The following EBPL variants were observed in gnomAD, a reference collection of about 807,000 sequenced individuals.
The protein encoded by EBPL is EBP like.
Under a neutral mutation model 19.0 loss-of-function variants are expected in EBPL, and 20 were observed. The ratio of observed to expected loss-of-function variants is 1.05; its 90% CI spans 0.74 to 1.53. The LOEUF (loss-of-function observed/expected upper bound fraction) is 1.53, where lower values mean the gene tolerates loss of function less well. EBPL is among the 40% of genes most tolerant of loss of function. EBPL has a pLI of 0.00. For missense variants in EBPL, 219 were observed against 261.1 expected (o/e 0.84, Z 1.11); for synonymous variants, 107 against 117.0 (o/e 0.91, Z 0.55).
chr13:49,689,298 C>T (rs1189626077), intron 1 of EBPL, among the ~76,000 whole-genome samples: 2 of 152,112 alleles, frequency 1.3e-5, no homozygotes, highest in Admixed American at 1.3e-4. Context: ...TGAACACACG[C>T]ATATAGTTTA....
At chr13:49,684,131 G>A (rs1953972131) in intron 1 of EBPL, among the ~76,000 whole-genome samples, 1 of 152,166 alleles carries the variant, frequency 6.6e-6, no homozygotes, top group South Asian at 2.1e-4. Context: ...TCTTCAAAGG[G>A]ACATGAGAAA....
At chr13:49,680,767 T>G (rs149510158) in intron 1 of EBPL, among the ~76,000 whole-genome samples, 3,147 of 152,072 alleles carry the variant, frequency 0.021, 42 homozygotes, top group South Asian at 0.029. Flanking sequence ...GGTTGCAGTG[T>G]GCCAAGATTG....
rs1954002766 is a variant in EBPL at position 49,686,731 on chromosome 13, T to A, written c.171+4523A>T. 15 of 819,466 alleles carry A rather than the reference T, an allele frequency of 1.8e-5. No homozygotes were observed. The South Asian group carries it at 2.4e-4, about 13-fold the overall frequency. The allele number at this position is 819,466 out of a possible 1,614,324, so 50.8% of individuals were successfully genotyped here. ...CAACTCAGAAAAGAATTCCCAGCACTCTCTCTTCTGCCCTGACTCTGTCTC... is the reference window on the plus strand; with the variant it reads ...CAACTCAGAAAAGAATTCCCAGCACACTCTCTTCTGCCCTGACTCTGTCTC... On this transcript the variant is annotated intron_variant, in intron 1 of 3. Transcript: ENST00000242827.
chr13:49,685,939 A>C (rs1953992378), intron 1 of EBPL, among the ~76,000 whole-genome samples: 1 of 152,098 alleles, frequency 6.6e-6, no homozygotes, highest in Admixed American at 6.5e-5. Context: ...GGTGATGTGA[A>C]CTGGAGAAGG....
chr13:49,678,171 T>C (rs1953898340), intron 1 of EBPL, among the ~76,000 whole-genome samples: 1 of 152,216 alleles, frequency 6.6e-6, no homozygotes. Context: ...TTACGAACCT[T>C]GAGCTAGACA....
At chr13:49,662,693 C>T (rs1408206861) in intron 3 of EBPL, among the ~76,000 whole-genome samples, 2 of 151,624 alleles carry the variant, frequency 1.3e-5, no homozygotes, top group Non-Finnish European at 2.9e-5. Flanking sequence ...AGTGCAGTGG[C>T]GTGATCATGG....
intron 1 of EBPL, among the ~76,000 whole-genome samples, chr13:49,674,472 C>T (rs767224443): frequency 5.3e-5 from 8 of 152,106 alleles, no homozygotes; most frequent in Non-Finnish European, 1.0e-4. Context: ...AAACAAGGGA[C>T]CTCTGTATTA....
rs751630731 is a variant in EBPL at position 49,661,022 on chromosome 13, T to C, written c.567A>G (p.Leu189=). The C allele has an allele frequency of 1.9e-6, 3 of 1,614,002 alleles. No homozygotes were observed. In the Admixed American group the frequency reaches 5.0e-5, roughly 27 times the overall value. ...CTTTCTGATGCATTTTCTTGAGTTC[T>C]AGCCATGACTGCCACAGTAGCAGTC... ...IPGLLLWQSW[L]ELKKMHQKET... Residue 189 remains leucine, a synonymous_variant, in exon 4 of 4, where the codon CTA becomes CTG. Transcript: ENST00000242827.
intron 1 of EBPL, among the ~76,000 whole-genome samples, chr13:49,671,735 A>G (rs1051159739): frequency 6.6e-6 from 1 of 152,196 alleles, no homozygotes; most frequent in Admixed American, 6.5e-5. Context: ...CTTCCTTCCT[A>G]TAGATTGTAA....
chr13:49,686,426 C>T (rs2137511922), intron 1 of EBPL: 3 of 1,258,732 alleles, frequency 2.4e-6, no homozygotes, highest in East Asian at 5.6e-5. Context: ...AGCCTCCCTC[C>T]CATCAATCCC....
At chr13:49,676,408 G>A (rs1406730444) in intron 1 of EBPL, among the ~76,000 whole-genome samples, 1 of 152,020 alleles carries the variant, frequency 6.6e-6, no homozygotes, top group African/African-American at 2.4e-5. Flanking sequence ...TGGTTAACAC[G>A]GCGAAACCCC....
At chr13:49,661,304 C>T (rs1042680789) in intron 3 of EBPL, 96 bp from the exon 4 acceptor site, 1 of 1,022,740 alleles carries the variant, frequency 9.8e-7, no homozygotes, top group Non-Finnish European at 1.5e-6. Flanking sequence ...CATCAACAGT[C>T]TTCGCTATGA....
chr13:49,691,347 G>T lies in EBPL; in HGVS notation c.78C>A (p.Cys26Ter). ...LLCAALLAAG[C>*]ALGLRLGRGQ... ...CGCGGCCCAGGCGCAGGCCCAGGGC[G>T]CAGCCCGCCGCCAGCAGCGCGGCGC... The change falls in exon 1 of 4, where the codon TGC (cysteine) becomes TGA (stop). Residue 26 changes from cysteine to a stop codon, truncating the protein, a stop_gained. Transcript: ENST00000242827. LOFTEE classifies it high-confidence loss of function. The T allele has an allele frequency of 7.4e-7, 1 of 1,355,206 alleles. No individual in the cohort carries two copies. The highest frequency in any genetic ancestry group is 2.0e-5 in the South Asian group (1 of 50,312). The allele number at this position is 1,355,206 out of a possible 1,614,324, so 83.9% of individuals were successfully genotyped here.
chr13:49,686,936 C>T (rs1294551592), intron 1 of EBPL, among the ~76,000 whole-genome samples: 1 of 152,152 alleles, frequency 6.6e-6, no homozygotes, highest in Non-Finnish European at 1.5e-5. Context: ...GCTGGGATCA[C>T]AGGCATGCAG....
chr13:49,673,384 T>A (rs935292160), intron 1 of EBPL, among the ~76,000 whole-genome samples: 1 of 152,250 alleles, frequency 6.6e-6, no homozygotes, highest in Non-Finnish European at 1.5e-5. Flanking sequence ...TAAAAACTGA[T>A]GTCCTTCAAA....
At chr13:49,688,099 T>C (rs373912654) in intron 1 of EBPL, among the ~76,000 whole-genome samples, 2 of 152,182 alleles carry the variant, frequency 1.3e-5, no homozygotes, top group Non-Finnish European at 2.9e-5. Flanking sequence ...ATGCTATACA[T>C]AGATTGCAGA....
At chr13:49,665,119 T>A (rs1434278245) in intron 2 of EBPL, among the ~76,000 whole-genome samples, 1 of 151,730 alleles carries the variant, frequency 6.6e-6, no homozygotes, top group East Asian at 1.9e-4. Context: ...AAGTCTTTTT[T>A]TTTTTTTTTT....
intron 1 of EBPL, among the ~76,000 whole-genome samples, chr13:49,674,923 CTCT>C (rs1417884377): frequency 3.5e-4 from 53 of 152,280 alleles, no homozygotes. Flanking sequence ...ATTTCCAGAA[CTCT>C]TCATCTTCTA....
chr13:49,672,008 C>T (rs1953822911), intron 1 of EBPL, among the ~76,000 whole-genome samples: 2 of 152,194 alleles, frequency 1.3e-5, no homozygotes, highest in South Asian at 4.1e-4. Context: ...CCTTCTTTGA[C>T]CTCCTAGTGA....
Sources: gnomAD v4.1 joint callset for allele counts (sites outside exome capture counted in the v4.1 genomes callset) on GRCh38, gnomAD v4.1.1 for gene constraint, MANE v1.5 for transcripts, NCBI Gene and HGNC (gene_info 2026-07-23, HGNC 2026-07-21) for gene names.